The following PIERCE1 variants were observed in gnomAD, a reference collection of about 807,000 sequenced individuals.
PIERCE1 encodes piercer of microtubule wall 1 protein.
chr9:135,497,400 CT>C, the PIERCE1 span, among the ~76,000 whole-genome samples: 238 of 147,416 alleles, frequency 1.6e-3, no homozygotes, highest in Middle Eastern at 7.0e-3. Context: ...GTTTTTTTTT[CT>C]TTTTTTTTTG....
At chr9:135,498,717 C>CCA in the PIERCE1 span, 1 of 1,519,638 alleles carries the variant, frequency 6.6e-7, no homozygotes, top group Non-Finnish European at 9.1e-7. This position sits in a 1 kb window ranked among gnomAD's most constrained non-coding sequence, Gnocchi z 4.1. Context: ...TCTGCACAAG[C>CCA]CACAGCCTTG....
chr9:135,498,801 C>T, the PIERCE1 span: 322 of 749,226 alleles, frequency 4.3e-4, no homozygotes, highest in Middle Eastern at 8.3e-4. This position sits in a 1 kb window ranked among gnomAD's most constrained non-coding sequence, Gnocchi z 4.1. Context: ...GATGTGGCCT[C>T]GAAGGCAGCC....
the PIERCE1 span, among the ~76,000 whole-genome samples, chr9:135,498,251 C>T: frequency 6.6e-6 from 1 of 152,016 alleles, no homozygotes; most frequent in Non-Finnish European, 1.5e-5. The surrounding 1 kb of genome is among the most constrained non-coding windows in gnomAD (Gnocchi z 4.1). Flanking sequence ...AACTGAGCAC[C>T]GTAAGTTGCA....
the PIERCE1 span, chr9:135,495,290 C>T: frequency 2.5e-6 from 2 of 808,456 alleles, no homozygotes; most frequent in Admixed American, 5.4e-5. Context: ...TATTTTCCTA[C>T]TCCGCAGACG....
At chr9:135,498,860 G>GC in the PIERCE1 span, 1 of 586,464 alleles carries the variant, frequency 1.7e-6, no homozygotes, top group South Asian at 2.0e-5. The surrounding 1 kb of genome is among the most constrained non-coding windows in gnomAD (Gnocchi z 4.1). Flanking sequence ...GGCCTCCCCG[G>GC]CCCCCTCTGC....
chr9:135,497,763 G>T, the PIERCE1 span, among the ~76,000 whole-genome samples: 4 of 152,130 alleles, frequency 2.6e-5, no homozygotes, highest in East Asian at 7.7e-4. Flanking sequence ...GATCCCCAGG[G>T]AAAACTCAGG....
At chr9:135,499,693 G>A in the PIERCE1 span, 1 of 1,607,002 alleles carries the variant, frequency 6.2e-7, no homozygotes, top group Non-Finnish European at 8.5e-7. Flanking sequence ...GACCAGGCGG[G>A]CCCCAGCTTC....
chr9:135,499,449 C>T, the PIERCE1 span: 1 of 695,036 alleles, frequency 1.4e-6, no homozygotes, highest in Non-Finnish European at 2.7e-6. Context: ...TCACCCGACA[C>T]AAATCAGTGG....
At chr9:135,498,902 C>T in the PIERCE1 span, 1 of 526,194 alleles carries the variant, frequency 1.9e-6, no homozygotes, top group Non-Finnish European at 3.4e-6. The surrounding 1 kb of genome is among the most constrained non-coding windows in gnomAD (Gnocchi z 4.1). Context: ...CAAGGCAGGC[C>T]AAAGCCCTAA....
chr9:135,498,497 G>A, the PIERCE1 span: 10 of 1,102,662 alleles, frequency 9.1e-6, no homozygotes, highest in Non-Finnish European at 1.2e-5. This position sits in a 1 kb window ranked among gnomAD's most constrained non-coding sequence, Gnocchi z 4.1. Context: ...CCGTCTCATT[G>A]TTGACCTGTT....
At chr9:135,495,886 C>A in the PIERCE1 span, among the ~76,000 whole-genome samples, 3 of 152,168 alleles carry the variant, frequency 2.0e-5, no homozygotes, top group Non-Finnish European at 2.9e-5. Flanking sequence ...GTGAGCATCG[C>A]CTTGGGGGTC....
At chr9:135,496,014 G>A in the PIERCE1 span, among the ~76,000 whole-genome samples, 33 of 152,312 alleles carry the variant, frequency 2.2e-4, no homozygotes, top group Admixed American at 1.9e-3. Context: ...CCATGTCAGT[G>A]GGTTTCAACC....
chr9:135,498,436 T>A, the PIERCE1 span: 1 of 639,398 alleles, frequency 1.6e-6, no homozygotes, highest in African/African-American at 1.8e-5. The surrounding 1 kb of genome is among the most constrained non-coding windows in gnomAD (Gnocchi z 4.1). Flanking sequence ...ACCTCCCTCC[T>A]CCCCATTTGT....
chr9:135,496,266 G>C, the PIERCE1 span, among the ~76,000 whole-genome samples: 2 of 152,252 alleles, frequency 1.3e-5, no homozygotes, highest in African/African-American at 2.4e-5. Context: ...GCAGTGAGCC[G>C]AGATTGTGCC....
chr9:135,496,301 G>A, the PIERCE1 span, among the ~76,000 whole-genome samples: 1 of 152,238 alleles, frequency 6.6e-6, no homozygotes, highest in Non-Finnish European at 1.5e-5. Flanking sequence ...TGGGCAACAA[G>A]AGCAAAACTC....
the PIERCE1 span, chr9:135,495,254 G>A: frequency 2.6e-5 from 16 of 608,216 alleles, no homozygotes; most frequent in South Asian, 3.3e-4. Flanking sequence ...GATGTGAAAT[G>A]GCAGGACTTC....
chr9:135,499,837 G>T, the PIERCE1 span: 2 of 1,587,866 alleles, frequency 1.3e-6, no homozygotes, highest in Admixed American at 3.6e-5. Context: ...ACGCTCTGGG[G>T]CATTCCTCAG....
the PIERCE1 span, among the ~76,000 whole-genome samples, chr9:135,496,707 C>T: frequency 6.6e-6 from 1 of 151,580 alleles, no homozygotes; most frequent in East Asian, 1.9e-4. Flanking sequence ...TTATTAGTAA[C>T]TAAAGTCTAC....
chr9:135,498,821 A>T, the PIERCE1 span: 2 of 667,044 alleles, frequency 3.0e-6, no homozygotes, highest in Non-Finnish European at 5.3e-6. The surrounding 1 kb of genome is among the most constrained non-coding windows in gnomAD (Gnocchi z 4.1). Flanking sequence ...CTCTGGGAGT[A>T]CCTGGCTGAT....
Sources: gnomAD v4.1 joint callset for allele counts (sites outside exome capture counted in the v4.1 genomes callset) on GRCh38, gnomAD v4.1.1 for gene constraint, Gnocchi (gnomAD v3.1) non-coding constraint, MANE v1.5 for transcripts, NCBI Gene and HGNC (gene_info 2026-07-23, HGNC 2026-07-21) for gene names.